STX8: variants seen among roughly 807,000 people sequenced by gnomAD.
STX8 encodes the protein syntaxin 8, also known as syntaxin-8.
A neutral mutation model predicts 37.5 loss-of-function variants in STX8; 23 were observed. The observed-to-expected ratio is 0.61, with a 90% CI of 0.44 to 0.87. The LOEUF (loss-of-function observed/expected upper bound fraction) is 0.87, where lower values mean the gene tolerates loss of function less well. Ranked by LOEUF, STX8 falls within the 40% of genes least tolerant of loss-of-function variation. STX8 has a pLI of 0.00. For synonymous variants in STX8, 115 were observed against 99.1 expected, an observed-to-expected ratio of 1.16 and a Z score of -0.95; for missense variants, 313 against 284.7, an observed-to-expected ratio of 1.10 and a Z score of -0.71.
chr17:9,304,455 A>G (rs1263875), intron 7 of STX8, among the ~76,000 whole-genome samples: 143,178 of 149,462 alleles, frequency 0.96, 68,649 homozygotes, highest in East Asian at 1. Flanking sequence ...GTTGCAGCGA[A>G]CCAAGATCGT....
chr17:9,418,783 C>T (rs8078509), intron 6 of STX8, among the ~76,000 whole-genome samples: 62,814 of 137,262 alleles, frequency 0.46, 14,792 homozygotes, highest in Non-Finnish European at 0.53. Flanking sequence ...GCTGAGATCA[C>T]GCCACTGCAC....
rs563451305 is a variant in STX8 at position 9,288,969 on chromosome 17, C to T, written c.644-38324G>A. On this transcript the variant is annotated intron_variant, in intron 7 of 7. Transcript: ENST00000306357. ...TACCCAACACAATAACGGGGGTAAG[C>T]GGGGAAGTTATGCTAAGGCCTTCTG... Among the ~76,000 whole-genome samples, 10 of 152,138 alleles carry T rather than the reference C, an allele frequency of 6.6e-5. No homozygotes were observed. The East Asian group carries it at 9.7e-4, about 15-fold the overall frequency.
intron 7 of STX8, among the ~76,000 whole-genome samples, chr17:9,268,953 TGA>T (rs1907336908): frequency 6.6e-6 from 1 of 152,150 alleles, no homozygotes; most frequent in Non-Finnish European, 1.5e-5. Context: ...TTTGGGAGGC[TGA>T]GGCGGGCGGA....
At chr17:9,486,947 C>T (rs1906625288) in intron 6 of STX8, among the ~76,000 whole-genome samples, 2 of 152,118 alleles carry the variant, frequency 1.3e-5, no homozygotes, top group Admixed American at 1.3e-4. Context: ...CTAAAGAGCA[C>T]TAGAATTTGT....
chr17:9,543,848 G>A (rs562315218), intron 4 of STX8, among the ~76,000 whole-genome samples: 2 of 152,290 alleles, frequency 1.3e-5, no homozygotes, highest in South Asian at 4.1e-4. Context: ...CTTCACAGAA[G>A]CAACTTAACA....
chr17:9,274,769 T>TTTTTTTA, intron 7 of STX8, among the ~76,000 whole-genome samples: 2 of 140,148 alleles, frequency 1.4e-5, no homozygotes, highest in East Asian at 2.1e-4. Flanking sequence ...TTTTTTTTTT[T>TTTTTTTA]GAGACGGAGT....
intron 7 of STX8, among the ~76,000 whole-genome samples, chr17:9,323,338 A>G (rs1909640707): frequency 6.6e-6 from 1 of 152,242 alleles, no homozygotes; most frequent in Non-Finnish European, 1.5e-5. Flanking sequence ...ACATAGCAAT[A>G]AGAATCAATT....
rs1376296109 is a variant in STX8 at position 9,507,122 on chromosome 17, A to T, written c.324-1960T>A. ...GCAAGCAGAAGGCCCTGAGCAACTG[A>T]CAGGCTAGCAGAGTGACTACGCTCC... On this transcript the variant is annotated intron_variant, in intron 4 of 7. Transcript: ENST00000306357. The surrounding 1 kb of genome is among the most constrained non-coding windows in gnomAD (Gnocchi z 4.0). 6.6e-6 allele frequency among the ~76,000 whole-genome samples: 1 copy of T among 151,952 alleles called. No homozygotes were observed. Among genetic ancestry groups the T allele is most frequent in the Non-Finnish European group, 1.5e-5 (1 of 67,980 alleles).
chr17:9,389,774 A>AC (rs1261619249), intron 6 of STX8, among the ~76,000 whole-genome samples: 1 of 151,974 alleles, frequency 6.6e-6, no homozygotes, highest in African/African-American at 2.4e-5. Context: ...TGTTAAAAAA[A>AC]ATCTATAGTG....
chr17:9,368,422 T>C (rs1469049908), intron 7 of STX8, among the ~76,000 whole-genome samples: 1 of 152,140 alleles, frequency 6.6e-6, no homozygotes, highest in Non-Finnish European at 1.5e-5. Context: ...GAGAATGGCA[T>C]GAACCCAGGA....
At chr17:9,525,588 T>C (rs1477273658) in intron 4 of STX8, among the ~76,000 whole-genome samples, 3 of 151,776 alleles carry the variant, frequency 2.0e-5, no homozygotes, top group African/African-American at 7.3e-5. Flanking sequence ...CCTCATGATC[T>C]ACCCGCCTCA....
chr17:9,320,061 T>C (rs1176333511), intron 7 of STX8, among the ~76,000 whole-genome samples: 3 of 148,206 alleles, frequency 2.0e-5, no homozygotes, highest in South Asian at 2.2e-4. Context: ...GGCCAGGTGC[T>C]GTGTGGCTCA....
intron 6 of STX8, among the ~76,000 whole-genome samples, chr17:9,422,640 T>C (rs975972421): frequency 2.6e-5 from 4 of 152,288 alleles, no homozygotes; most frequent in Non-Finnish European, 5.9e-5. Flanking sequence ...TTCCTATTTA[T>C]GGCTGAATAA....
At position 9,444,604 on chromosome 17, in the gene STX8, T is replaced by C. The variant is rs373759832; in HGVS notation, c.541+47225A>G. ...TCCTAAACCTCAAGATCTTTTTATA[T>C]ATAAGGGAGAAGTCTCCAGAGATGG... On this transcript the variant is annotated intron_variant, in intron 6 of 7. Coordinates refer to ENST00000306357, the MANE Select transcript of STX8 (RefSeq NM_004853.3). 6.6e-5 allele frequency among the ~76,000 whole-genome samples: 10 copies of C among 152,230 alleles called. No individual in the cohort carries two copies. In the East Asian group the frequency reaches 7.7e-4, roughly 12 times the overall value.
chr17:9,551,903 T>A (rs1906775818), intron 3 of STX8, among the ~76,000 whole-genome samples: 1 of 151,138 alleles, frequency 6.6e-6, no homozygotes, highest in Admixed American at 6.6e-5. Flanking sequence ...GGGGGGGGTG[T>A]AACTTATATA....
At chr17:9,297,536 G>A (rs1038815505) in intron 7 of STX8, among the ~76,000 whole-genome samples, 1 of 152,208 alleles carries the variant, frequency 6.6e-6, no homozygotes, top group African/African-American at 2.4e-5. Context: ...GCTGAATAGA[G>A]GTCATCATTC....
In STX8 at chr17:9,542,294, G is replaced by C. The variant is rs138376543; in HGVS notation, c.323+2878C>G. Among the ~76,000 whole-genome samples the C allele has an allele frequency of 3.4e-3, 508 of 150,790 alleles. 2 individuals are homozygous for C. The highest frequency in any genetic ancestry group is 0.012 in the African/African-American group (495 of 41,038). The stretch of plus-strand genomic sequence containing the variant: ...AATCACTTGAACTCGGGAGGCGGAG[G>C]TTGCAGCGAGCTGAAATTGTGCCAC... On this transcript the variant is annotated intron_variant, in intron 4 of 7. Transcript: ENST00000306357.
At chr17:9,356,045 A>G (rs1437460313) in intron 7 of STX8, among the ~76,000 whole-genome samples, 1 of 152,154 alleles carries the variant, frequency 6.6e-6, no homozygotes, top group Non-Finnish European at 1.5e-5. Flanking sequence ...CTTCTTTTAC[A>G]GAGAGAAAGA....
At chr17:9,474,261 C>T (rs1010973492) in intron 6 of STX8, among the ~76,000 whole-genome samples, 7 of 152,040 alleles carry the variant, frequency 4.6e-5, no homozygotes, top group African/African-American at 1.2e-4. Flanking sequence ...TGACTGTCCC[C>T]GAGTTGGATC....
Sources: allele counts gnomAD v4.1 joint callset (sites outside exome capture counted in the v4.1 genomes callset), GRCh38; gene constraint gnomAD v4.1.1; non-coding constraint Gnocchi (gnomAD v3.1); transcripts MANE v1.5; gene names NCBI Gene and HGNC (gene_info 2026-07-23, HGNC 2026-07-21).